The following KIF20B variants were observed in gnomAD, a reference collection of about 807,000 sequenced individuals.
KIF20B encodes kinesin-like protein KIF20B.
A neutral mutation model predicts 232.5 loss-of-function variants in KIF20B; 188 were observed. The observed-to-expected ratio is 0.81, with a 90% confidence interval of 0.72 to 0.91. The LOEUF is 0.91. KIF20B is among the 40% of genes least tolerant of loss of function. The pLI, the probability that KIF20B is intolerant of heterozygous loss-of-function variation, is 0.00. For missense variants in KIF20B, 2,154 were observed against 2,055.9 expected, an observed-to-expected ratio of 1.05 and a Z score of -0.92; for synonymous variants, 712 against 683.0, an observed-to-expected ratio of 1.04 and a Z score of -0.66.
chr10:89,709,386 A>G lies in KIF20B; in HGVS notation c.276A>G (p.Lys92=), dbSNP rs780460247. ...HILDSQTVVL[K]EPQCILGRLS... ...TGGATTCACAGACTGTTGTGCTGAA[A>G]GAGCCTCAATGCATCCTTGGTCGGT... is the stretch of plus-strand genomic sequence containing the variant. Residue 92 remains lysine (K), a synonymous_variant, in exon 4 of 33, where the codon AAA becomes AAG. Coordinates refer to ENST00000371728, the MANE Select transcript of KIF20B (RefSeq NM_001284259.2). 1.2e-6 allele frequency: 2 copies of G among 1,613,552 alleles called. No homozygotes were observed. The highest frequency in any genetic ancestry group is 1.7e-5 in the Admixed American group (1 of 60,004).
intron 25 of KIF20B, among the ~76,000 whole-genome samples, chr10:89,753,908 G>A (rs1426189545): frequency 2.6e-5 from 4 of 152,008 alleles, no homozygotes; most frequent in African/African-American, 7.2e-5. Flanking sequence ...GTGAGCCACC[G>A]CACCCAGCCT....
At chr10:89,725,265 T>C (rs1190911354) in intron 15 of KIF20B, 107 bp downstream of exon 15, 11 of 987,338 alleles carry the variant, frequency 1.1e-5, no homozygotes, top group African/African-American at 1.6e-5. Flanking sequence ...ATTAAAACAA[T>C]GCTTTGTGTG....
At position 89,730,252 on chromosome 10, in the gene KIF20B, A is replaced by G. The variant is rs545896688; in HGVS notation, c.2391+1005A>G. ...ACTGGGAGAAATATCCTAATATTTA[A>G]TATGTTAATAATAAACTATTTAGTA... is the stretch of plus-strand genomic sequence containing the variant. On this transcript the variant is annotated intron_variant, in intron 18 of 32. Coordinates refer to ENST00000371728, the MANE Select transcript of KIF20B (RefSeq NM_001284259.2). 4.3e-4 allele frequency among the ~76,000 whole-genome samples: 65 copies of G among 152,270 alleles called. 3 individuals carry two copies. In the South Asian group the frequency reaches 0.013, roughly 31 times the overall value.
chr10:89,714,075 C>T lies in KIF20B; in HGVS notation c.704C>T (p.Thr235Ile), dbSNP rs770258775. The T allele has an allele frequency of 1.2e-5, 18 of 1,447,872 alleles. No individual in the cohort carries two copies. The Admixed American group carries it at 3.9e-4, about 31-fold the overall frequency. 89.7% of individuals were successfully genotyped at this position (1,447,872 alleles called of 1,614,324 possible). The part of the protein sequence containing the change: ...EVTVHNDSDD[T>I]LYGSLTNSLN... ...ACTGTGCATAATGATAGTGATGATA[C>T]TCTTTATGGTAAGGTTTCGTTGCTC... Residue 235 changes from threonine to isoleucine, a missense_variant, in exon 7 of 33, where the codon ACT becomes ATT. Coordinates refer to ENST00000371728, the MANE Select transcript of KIF20B (RefSeq NM_001284259.2).
At chr10:89,739,513 T>A (rs1317020078) in intron 21 of KIF20B, among the ~76,000 whole-genome samples, 1 of 74,632 alleles carries the variant, frequency 1.3e-5, no homozygotes, top group Non-Finnish European at 2.5e-5. Context: ...AGGAAATACT[T>A]CCCACTCCTT....
In KIF20B at chr10:89,725,155, T is replaced by A. The variant is rs550317358; in HGVS notation, c.1998T>A (p.Thr666=). ...AKDICATKVE[T]EETHNYVGFE... ...ACATTTGTGCCACAAAAGTTGAAAC[T>A]GAAGTATGTTAATTGAAGTATTTAA... Residue 666 remains threonine, a synonymous_variant, in exon 15 of 33, where the codon ACT becomes ACA. Transcript: ENST00000371728. 3.7e-6 allele frequency: 6 copies of A among 1,613,844 alleles called. No individual in the cohort carries two copies. The Admixed American group carries it at 5.0e-5, about 13-fold the overall frequency.
Position 89,751,399 on chromosome 10 carries a change from C to A in KIF20B, c.4150C>A (p.Gln1384Lys). Reference protein sequence around the residue: ...IEDMRMTLEEQEQTQVEQDQV... With the variant: ...IEDMRMTLEEKEQTQVEQDQV... Reference sequence around the variant, plus strand: ...AGACATGCGAATGACACTAGAAGAACAGGAACAAACTCAGGTAGAACAGGA... The same window carrying A: ...AGACATGCGAATGACACTAGAAGAAAAGGAACAAACTCAGGTAGAACAGGA... The change falls in exon 24 of 33, where the codon CAG becomes AAG. Residue 1384 changes from glutamine to lysine, a missense_variant. Transcript: ENST00000371728. The A allele has an allele frequency of 1.2e-6, 2 of 1,606,960 alleles. No individual in the cohort carries two copies. Among genetic ancestry groups the A allele is most frequent in the Non-Finnish European group, 1.7e-6 (2 of 1,176,468 alleles).
At position 89,738,392 on chromosome 10, in the gene KIF20B, A is replaced by G; in HGVS notation, c.3551A>G (p.Glu1184Gly). 1 of 1,602,432 alleles carries G rather than the reference A, an allele frequency of 6.2e-7. No individual in the cohort carries two copies. The highest frequency in any genetic ancestry group is 8.5e-7 in the Non-Finnish European group (1 of 1,177,166). ...GAATGTAGTCATTCAGCCAAGTTAG[A>G]ACAAGACATTTTGGAAAAGGAATCT... ...KVECSHSAKLEQDILEKESII... is the reference protein window; with the variant it reads ...KVECSHSAKLGQDILEKESII... Residue 1184 changes from glutamate to glycine, a missense_variant, in exon 20 of 33, where the codon GAA becomes GGA. Physicochemically the swap from Glu to Gly is moderately conservative, Grantham distance 98. Transcript: ENST00000371728.
Position 89,738,592 on chromosome 10 carries a change from G to A in KIF20B, c.3751G>A (p.Glu1251Lys). ...HLLQLKEEEE[E>K]TNRQETEKLK... ...ACTTCAATTAAAAGAAGAAGAAGAA[G>A]AAACCAACAGGCAAGAAACAGAAAA... Residue 1251 changes from glutamate (E) to lysine (K), a missense_variant, in exon 20 of 33, where the codon GAA becomes AAA. By Grantham distance (56) the Glu-to-Lys change is moderately conservative. Transcript: ENST00000371728. 6.5e-7 allele frequency: 1 copy of A among 1,549,502 alleles called. No homozygotes were observed. Among genetic ancestry groups the A allele is most frequent in the Non-Finnish European group, 8.7e-7 (1 of 1,151,568 alleles).
rs1337116904 is a variant in KIF20B at position 89,710,968 on chromosome 10, A to G, written c.498A>G (p.Glu166=). The change falls in exon 6 of 33, where the codon GAA becomes GAG. Residue 166 remains glutamate (E), a synonymous_variant. Transcript: ENST00000371728. ...CAAAAATTCCTTTTGCAGGGACAGAAGAAAATATTGGCATTCTGCCTCGAA... is the reference window on the plus strand; with the variant it reads ...CAAAAATTCCTTTTGCAGGGACAGAGGAAAATATTGGCATTCTGCCTCGAA... The part of the protein sequence containing the change: ...SGKTYTFQGT[E]ENIGILPRTL... 1 of 1,604,604 alleles carries G rather than the reference A, an allele frequency of 6.2e-7. No individual in the cohort carries two copies. The highest frequency in any genetic ancestry group is 1.1e-5 in the South Asian group (1 of 88,852).
chr10:89,719,707 G>A lies in KIF20B; in HGVS notation c.1722+1G>A. ...TTTCATTAGCCACGAGGAGAAAAGAGTATGTATTAAGAACTCATACTTCTA... is the reference window on the plus strand; with the variant it reads ...TTTCATTAGCCACGAGGAGAAAAGAATATGTATTAAGAACTCATACTTCTA... On this transcript the variant is annotated splice_donor_variant, in intron 13 of 32. Transcript: ENST00000371728. LOFTEE classifies it high-confidence loss of function. 3.8e-6 allele frequency: 6 copies of A among 1,591,886 alleles called. No individual in the cohort carries two copies. The highest frequency in any genetic ancestry group is 5.1e-6 in the Non-Finnish European group (6 of 1,169,734).
chr10:89,760,337 C>T (rs1021024610), intron 27 of KIF20B, among the ~76,000 whole-genome samples, 189 bp from the exon 28 acceptor site: 2 of 152,124 alleles, frequency 1.3e-5, no homozygotes, highest in Non-Finnish European at 1.5e-5. Context: ...GAAAGTGACC[C>T]AGCCTTTCCT....
chr10:89,728,764 G>T (rs901252236), intron 17 of KIF20B, among the ~76,000 whole-genome samples: 2 of 151,390 alleles, frequency 1.3e-5, no homozygotes, highest in Non-Finnish European at 2.9e-5. Flanking sequence ...AGGTAATTTG[G>T]CCTCCCAAAG....
chr10:89,704,920 T>G (rs1255202856), intron 1 of KIF20B, among the ~76,000 whole-genome samples: 4 of 152,214 alleles, frequency 2.6e-5, no homozygotes, highest in Non-Finnish European at 5.9e-5. Flanking sequence ...TCTACAGGAG[T>G]CACTAAGTAG....
In KIF20B at chr10:89,732,299, T is replaced by G. The variant is rs146278404; in HGVS notation, c.2392-604T>G. Reference sequence around the variant, plus strand: ...GGACCACAACACCTGGAATTTTAATTTTTTGTAGAGACGGGTTCTCACTGT... The same window carrying G: ...GGACCACAACACCTGGAATTTTAATGTTTTGTAGAGACGGGTTCTCACTGT... On this transcript the variant is annotated intron_variant, in intron 18 of 32. Transcript: ENST00000371728. Among the ~76,000 whole-genome samples the G allele has an allele frequency of 4.8e-4, 73 of 152,200 alleles. 1 individual carries two copies. Among genetic ancestry groups the G allele is most frequent in the African/African-American group, 1.7e-3 (72 of 41,532 alleles).
chr10:89,728,905 TTGTGTGTGTGTGTGTGTGTGTGTGTG>T (rs71022581), intron 17 of KIF20B, among the ~76,000 whole-genome samples, 197 bp from the exon 18 acceptor site: 3 of 138,024 alleles, frequency 2.2e-5, no homozygotes, highest in Non-Finnish European at 4.6e-5. Context: ...TCTTTTTTCT[TTGTGTGTGTGTGTGTGTGTGTGTGTG>T]TGTGTGTGTG....
chr10:89,713,944 G>C (rs543108226), intron 6 of KIF20B, 103 bp from the exon 7 acceptor site: 1 of 453,020 alleles, frequency 2.2e-6, no homozygotes, highest in East Asian at 3.8e-5. Context: ...TAGATGAAAG[G>C]TTGTGATTTG....
chr10:89,723,871 A>C (rs927885545), intron 13 of KIF20B, 93 bp from the exon 14 acceptor site: 2 of 1,003,804 alleles, frequency 2.0e-6, no homozygotes, highest in Non-Finnish European at 2.7e-6. Flanking sequence ...ACAATTGACT[A>C]AATGTAAAGT....
At position 89,726,391 on chromosome 10, in the gene KIF20B, T is replaced by A; in HGVS notation, c.2100T>A (p.Ile700=). 8 of 1,577,746 alleles carry A rather than the reference T, an allele frequency of 5.1e-6. No homozygotes were observed. Among genetic ancestry groups the A allele is most frequent in the Non-Finnish European group, 6.9e-6 (8 of 1,159,332 alleles). The change falls in exon 16 of 33, where the codon ATT becomes ATA. Residue 700 remains isoleucine, a synonymous_variant. Coordinates refer to ENST00000371728, the MANE Select transcript of KIF20B (RefSeq NM_001284259.2). ...AGGCTGAAATTGCTCACTTATATAT[T>A]GCATCTCTTCCTGACCCCCAGGAAG... The part of the protein sequence containing the change: ...KKQAEIAHLY[I]ASLPDPQEAT...
Sources: allele counts gnomAD v4.1 joint callset (sites outside exome capture counted in the v4.1 genomes callset), GRCh38; gene constraint gnomAD v4.1.1; transcripts MANE v1.5; gene names NCBI Gene and HGNC (gene_info 2026-07-23, HGNC 2026-07-21).